Variants in GLIS3 observed in about 807,000 individuals in gnomAD.
GLIS3 encodes the protein GLIS family zinc finger 3.
GLIS3 carries 53 observed loss-of-function variants against 78.6 expected under a neutral mutation model. That is an observed-to-expected ratio of 0.67 (90% confidence interval 0.54 to 0.85). The LOEUF (loss-of-function observed/expected upper bound fraction) is 0.85. GLIS3 is among the 40% of genes least tolerant of loss of function. The probability of loss-of-function intolerance (pLI) is 0.00; values close to 1 mark genes in which losing one functional copy is unlikely to be tolerated. For missense variants in GLIS3, 1,703 were observed against 1,231.1 expected, an observed-to-expected ratio of 1.38 and a Z score of -5.74; for synonymous variants, 684 against 509.9, an observed-to-expected ratio of 1.34 and a Z score of -4.60.
chr9:4,315,537 T>C (rs1042330823), intron 2 of GLIS3, among the ~76,000 whole-genome samples: 2 of 152,172 alleles, frequency 1.3e-5, no homozygotes, highest in Non-Finnish European at 2.9e-5. Flanking sequence ...ACAGAGTTAA[T>C]TCCTAAACTT....
At chr9:4,030,268 T>C (rs1823718531) in intron 4 of GLIS3, among the ~76,000 whole-genome samples, 1 of 152,246 alleles carries the variant, frequency 6.6e-6, no homozygotes, top group African/African-American at 2.4e-5. Flanking sequence ...TCTATTCAAA[T>C]ATTTTGCCCA....
chr9:3,912,626 C>T (rs1824229723), intron 6 of GLIS3, among the ~76,000 whole-genome samples: 1 of 152,094 alleles, frequency 6.6e-6, no homozygotes, highest in Admixed American at 6.5e-5. Context: ...CTTCCTAAGT[C>T]AATATTTTTC....
chr9:4,363,673 A>G, the GLIS3 span, among the ~76,000 whole-genome samples: 1 of 152,088 alleles, frequency 6.6e-6, no homozygotes, highest in Admixed American at 6.5e-5. Flanking sequence ...ACCTCTATCA[A>G]TTTTCAACAG....
intron 4 of GLIS3, among the ~76,000 whole-genome samples, chr9:4,064,286 G>C (rs1826904097): frequency 6.6e-6 from 1 of 151,838 alleles, no homozygotes; most frequent in Admixed American, 6.6e-5. Context: ...AAAAGTATTA[G>C]AAAACACAGA....
intron 2 of GLIS3, among the ~76,000 whole-genome samples, chr9:4,271,141 A>C (rs898344216): frequency 2.6e-5 from 4 of 152,158 alleles, no homozygotes; most frequent in Non-Finnish European, 5.9e-5. Context: ...TATTTTTCTT[A>C]TTAATAATAA....
chr9:4,262,881 G>GC (rs1825654704), intron 2 of GLIS3, among the ~76,000 whole-genome samples: 1 of 142,978 alleles, frequency 7.0e-6, no homozygotes, highest in Non-Finnish European at 1.5e-5. Flanking sequence ...ACTACCTTAA[G>GC]CCCGTAGTTC....
intron 8 of GLIS3, among the ~76,000 whole-genome samples, chr9:3,865,189 C>A (rs1271889718): frequency 6.6e-6 from 1 of 152,172 alleles, no homozygotes; most frequent in African/African-American, 2.4e-5. Context: ...GAAAAGGACA[C>A]AAACACAAAA....
intron 2 of GLIS3, among the ~76,000 whole-genome samples, chr9:4,256,428 A>C (rs1018136516): frequency 6.6e-6 from 1 of 152,218 alleles, no homozygotes; most frequent in African/African-American, 2.4e-5. Context: ...TAAAATAATA[A>C]AGACATCTAA....
chr9:4,109,916 C>A (rs1831074783), intron 4 of GLIS3, among the ~76,000 whole-genome samples: 1 of 152,152 alleles, frequency 6.6e-6, no homozygotes, highest in Non-Finnish European at 1.5e-5. Context: ...GCAGTTACCT[C>A]CTCTAACAAG....
intron 4 of GLIS3, among the ~76,000 whole-genome samples, chr9:4,090,892 T>G (rs1003186505): frequency 2.6e-5 from 4 of 152,226 alleles, no homozygotes; most frequent in Non-Finnish European, 4.4e-5. Context: ...CATAGCACAG[T>G]CGTTACAACT....
the GLIS3 span, among the ~76,000 whole-genome samples, chr9:4,381,066 T>C: frequency 2.0e-5 from 3 of 152,076 alleles, no homozygotes; most frequent in Non-Finnish European, 4.4e-5. Context: ...AGAAATTCAG[T>C]AGTCACTGGT....
At chr9:4,398,172 C>T in the GLIS3 span, among the ~76,000 whole-genome samples, 1 of 152,144 alleles carries the variant, frequency 6.6e-6, no homozygotes, top group East Asian at 1.9e-4. Context: ...TCCAAACCCA[C>T]AGAATATTCT....
intron 2 of GLIS3, among the ~76,000 whole-genome samples, chr9:4,311,362 T>C (rs1015074345): frequency 1.3e-5 from 2 of 152,200 alleles, no homozygotes; most frequent in African/African-American, 4.8e-5. Flanking sequence ...TGAGTTGAGA[T>C]AGCACCACTA....
At chr9:3,959,184 C>G (rs944779945) in intron 4 of GLIS3, among the ~76,000 whole-genome samples, 1 of 152,160 alleles carries the variant, frequency 6.6e-6, no homozygotes, top group Non-Finnish European at 1.5e-5. Flanking sequence ...GCAGAGCCCT[C>G]TTGAATGGGA....
chr9:4,422,169 C>G, the GLIS3 span, among the ~76,000 whole-genome samples: 1 of 152,144 alleles, frequency 6.6e-6, no homozygotes, highest in Non-Finnish European at 1.5e-5. Context: ...ACATATGTAA[C>G]CATATCATAA....
Position 3,937,055 on chromosome 9 carries a change from G to T in GLIS3, c.1845C>A (p.Ala615=), listed in dbSNP as rs760422403. ...TGTCCAGATGCGTCCGCTGGTGTTT[G>T]GCGCGGTCACTGGAGTTACTGAAGG... ...QKAFSNSSDR[A]KHQRTHLDTK... Residue 615 remains alanine (A), a synonymous_variant, in exon 5 of 11, where the codon GCC becomes GCA. Coordinates refer to ENST00000381971, the MANE Select transcript of GLIS3 (RefSeq NM_001042413.2). 6.2e-7 allele frequency: 1 copy of T among 1,613,320 alleles called. No individual in the cohort carries two copies. The highest frequency in any genetic ancestry group is 1.1e-5 in the South Asian group (1 of 91,038).
At chr9:4,018,237 A>C (rs1233413573) in intron 4 of GLIS3, among the ~76,000 whole-genome samples, 1 of 152,222 alleles carries the variant, frequency 6.6e-6, no homozygotes, top group Non-Finnish European at 1.5e-5. Context: ...AGGAGAACTG[A>C]ATATAAAATG....
At chr9:3,903,590 G>C (rs1342813904) in intron 6 of GLIS3, among the ~76,000 whole-genome samples, 1 of 152,064 alleles carries the variant, frequency 6.6e-6, no homozygotes, top group East Asian at 1.9e-4. Context: ...TTCATTTGTC[G>C]AACAAATATT....
the GLIS3 span, among the ~76,000 whole-genome samples, chr9:4,367,406 G>A: frequency 4.6e-5 from 7 of 151,920 alleles, no homozygotes; most frequent in African/African-American, 1.2e-4. Flanking sequence ...ATCACCTTCC[G>A]GAGGCCTTCC....
Sources: gnomAD v4.1 joint callset for allele counts (sites outside exome capture counted in the v4.1 genomes callset) on GRCh38, gnomAD v4.1.1 for gene constraint, MANE v1.5 for transcripts, NCBI Gene and HGNC (gene_info 2026-07-23, HGNC 2026-07-21) for gene names.